Variants in PCCB observed in about 807,000 individuals in gnomAD.
PCCB encodes the protein propionyl-CoA carboxylase beta chain, mitochondrial.
PCCB carries 43 observed loss-of-function variants against 60.7 expected under a neutral mutation model. The observed-to-expected ratio is 0.71, with a 90% CI of 0.55 to 0.91. The LOEUF is 0.91. Among genes scored for constraint, PCCB ranks in the 40% least tolerant of loss-of-function variants. The pLI is 0.00. For missense variants in PCCB, 766 were observed against 702.8 expected (o/e 1.09, Z -1.02); for synonymous variants, 276 against 255.9 (o/e 1.08, Z -0.75).
At chr3:136,252,217 G>A (rs1941536347) in intron 1 of PCCB, 4 of 452,696 alleles carry the variant, frequency 8.8e-6, no homozygotes, top group Admixed American at 2.4e-5. Flanking sequence ...GACCATTTCC[G>A]TAGATTTTCC....
intron 10 of PCCB, among the ~76,000 whole-genome samples, chr3:136,319,703 G>GT (rs1935042145): frequency 6.6e-6 from 1 of 152,088 alleles, no homozygotes; most frequent in African/African-American, 2.4e-5. Context: ...TGGCTGAAAA[G>GT]TTTTTAGTTT....
At chr3:136,295,698 T>A (rs2108199817) in intron 7 of PCCB, among the ~76,000 whole-genome samples, 1 of 152,366 alleles carries the variant, frequency 6.6e-6, no homozygotes, top group East Asian at 1.9e-4. Flanking sequence ...GCATAAAAAC[T>A]GCTAGATATT....
At position 136,293,848 on chromosome 3, in the gene PCCB, C is replaced by T. The variant is rs746448544; in HGVS notation, c.747C>T (p.Thr249=). The T allele has an allele frequency of 3.0e-5, 47 of 1,592,254 alleles. No individual in the cohort carries two copies. The highest frequency in any genetic ancestry group is 3.6e-5 in the Non-Finnish European group (42 of 1,160,220). The change falls in exon 7 of 15, where the codon ACC becomes ACT. Residue 249 remains threonine (T), a synonymous_variant. Transcript: ENST00000251654. ...VTQEELGGAK[T]HTTMSGVAHR... ...AGGAGGAGCTCGGTGGTGCCAAGAC[C>T]CACACCACCATGTCAGGTGAGAGGC...
rs765394399 is a variant in PCCB at position 136,317,001 on chromosome 3, G to C, written c.1027G>C (p.Gly343Arg). ...MPNYAKNIIV[G>R]FARMNGRTVG... Reference sequence around the variant, plus strand: ...CAATTATGCCAAGAACATCATTGTTGGTTTTGCAAGAATGAATGGGAGGAC... The same window carrying C: ...CAATTATGCCAAGAACATCATTGTTCGTTTTGCAAGAATGAATGGGAGGAC... Residue 343 changes from glycine to arginine, a missense_variant, in exon 10 of 15, where the codon GGT (glycine) becomes CGT (arginine). By Grantham distance (125) the Gly-to-Arg change is moderately radical. Transcript: ENST00000251654. 1 of 1,613,966 alleles carries C rather than the reference G, an allele frequency of 6.2e-7. No individual in the cohort carries two copies. Among genetic ancestry groups the C allele is most frequent in the Non-Finnish European group, 8.5e-7 (1 of 1,179,930 alleles).
At chr3:136,285,693 C>G (rs1933369870) in intron 6 of PCCB, among the ~76,000 whole-genome samples, 1 of 152,188 alleles carries the variant, frequency 6.6e-6, no homozygotes, top group African/African-American at 2.4e-5. Context: ...ACCATACCTT[C>G]CTGGTTTCCA....
chr3:136,299,383 T>C (rs567087006), intron 8 of PCCB, among the ~76,000 whole-genome samples: 1 of 152,058 alleles, frequency 6.6e-6, no homozygotes, highest in South Asian at 2.1e-4. Context: ...TATATGCATA[T>C]GTATGTATAT....
intron 7 of PCCB, among the ~76,000 whole-genome samples, chr3:136,295,637 C>T (rs1933897179): frequency 6.6e-6 from 1 of 152,204 alleles, no homozygotes; most frequent in South Asian, 2.1e-4. Context: ...TATTTTTCCC[C>T]ATTTTAATAG....
intron 5 of PCCB, among the ~76,000 whole-genome samples, chr3:136,273,597 CTT>C: frequency 3.5e-4 from 16 of 45,228 alleles, no homozygotes; most frequent in Non-Finnish European, 3.7e-4. Context: ...TTTCTTTTTT[CTT>C]TTTTTTTTTT....
At chr3:136,322,645 TCCTGGTTTTTA>T (rs1276134131) in intron 10 of PCCB, among the ~76,000 whole-genome samples, 1 of 152,202 alleles carries the variant, frequency 6.6e-6, no homozygotes, top group Non-Finnish European at 1.5e-5. Context: ...AATACTCAAA[TCCTGGTTTTTA>T]TATTTGCCCA....
At chr3:136,253,726 A>G (rs1165612340) in intron 1 of PCCB, among the ~76,000 whole-genome samples, 2 of 143,546 alleles carry the variant, frequency 1.4e-5, no homozygotes, top group African/African-American at 5.2e-5. Flanking sequence ...GCTGGAGGGC[A>G]GTGGTGTAAT....
Position 136,305,143 on chromosome 3 carries a change from A to C in PCCB, c.966+4032A>C, listed in dbSNP as rs1418265774. On this transcript the variant is annotated intron_variant, in intron 9 of 14. Transcript: ENST00000251654. ...AGAGTCTAACTCTGTTGCCCAGGCC[A>C]GTGTGCAGTGGCGAGATCACGGCTC... Among the ~76,000 whole-genome samples the C allele has an allele frequency of 4.2e-5, 5 of 119,560 alleles. 2 individuals carry two copies. The highest frequency in any genetic ancestry group is 5.1e-5 in the African/African-American group (2 of 39,512). 78.4% of individuals were successfully genotyped at this position (119,560 alleles called of 152,430 possible). A position where few individuals can be genotyped will look rare whatever the true frequency, so the allele number is the denominator to read the frequency against.
At chr3:136,283,028 T>A (rs1226030312) in intron 5 of PCCB, among the ~76,000 whole-genome samples, 1 of 152,240 alleles carries the variant, frequency 6.6e-6, no homozygotes, top group Non-Finnish European at 1.5e-5. Context: ...TCTCCCCTAC[T>A]ACCTTGATAT....
At chr3:136,256,081 G>C (rs1017231575) in intron 2 of PCCB, 106 bp downstream of exon 2, 2 of 1,512,588 alleles carry the variant, frequency 1.3e-6, no homozygotes, top group African/African-American at 1.4e-5. Context: ...GTCCTCTGCA[G>C]AGGCACTGCA....
chr3:136,255,574 G>A, intron 1 of PCCB: 1 of 460,600 alleles, frequency 2.2e-6, no homozygotes, highest in Non-Finnish European at 4.0e-6. Context: ...TCCAGGGTCA[G>A]GTTCTCCTTA....
intron 6 of PCCB, among the ~76,000 whole-genome samples, chr3:136,284,791 A>G (rs1398936794): frequency 6.6e-6 from 1 of 152,144 alleles, no homozygotes; most frequent in African/African-American, 2.4e-5. Context: ...TCTTTTATTA[A>G]TCAAATTTAA....
At chr3:136,329,085 G>A (rs965234370) in intron 14 of PCCB, among the ~76,000 whole-genome samples, 34 of 152,206 alleles carry the variant, frequency 2.2e-4, no homozygotes, top group Non-Finnish European at 4.1e-4. Flanking sequence ...TAAATTTCTA[G>A]GTGTTGTTCC....
chr3:136,321,823 G>T (rs1013095446), intron 10 of PCCB, among the ~76,000 whole-genome samples: 1 of 152,204 alleles, frequency 6.6e-6, no homozygotes, highest in South Asian at 2.1e-4. Context: ...ATTGATTTTT[G>T]TATATTAGCC....
intron 9 of PCCB, among the ~76,000 whole-genome samples, chr3:136,308,762 CTT>C (rs1934543147): frequency 6.6e-6 from 1 of 152,080 alleles, no homozygotes; most frequent in Non-Finnish European, 1.5e-5. Flanking sequence ...AAATTAGAAA[CTT>C]TTGTAGCAAC....
At chr3:136,315,612 C>T (rs940731377) in intron 9 of PCCB, among the ~76,000 whole-genome samples, 16 of 151,324 alleles carry the variant, frequency 1.1e-4, no homozygotes, top group African/African-American at 2.7e-4. Context: ...AGGTGGATTG[C>T]GTGAGGCCAA....
Sources: gnomAD v4.1 joint callset for allele counts (sites outside exome capture counted in the v4.1 genomes callset) on GRCh38, gnomAD v4.1.1 for gene constraint, MANE v1.5 for transcripts, NCBI Gene and HGNC (gene_info 2026-07-23, HGNC 2026-07-21) for gene names.